Variants in ZNF827 observed in about 807,000 individuals in gnomAD.
ZNF827 encodes zinc finger protein 827.
ZNF827 carries 13 observed loss-of-function variants against 102.4 expected under a neutral mutation model. That is an observed-to-expected ratio of 0.13 (90% CI 0.08 to 0.20). The LOEUF is 0.20. Among genes scored for constraint, ZNF827 ranks in the 10% least tolerant of loss-of-function variants. ZNF827 has a pLI of 1.00. For missense variants in ZNF827, 1,103 were observed against 1,344.4 expected, an observed-to-expected ratio of 0.82 and a Z score of 2.81; for synonymous variants, 523 against 536.2, an observed-to-expected ratio of 0.98 and a Z score of 0.34.
At position 145,892,329 on chromosome 4, in the gene ZNF827, C is replaced by T; in HGVS notation, c.1180G>A (p.Val394Met). 1 of 1,614,176 alleles carries T rather than the reference C, an allele frequency of 6.2e-7. No homozygotes were observed. The highest frequency in any genetic ancestry group is 1.7e-5 in the Admixed American group (1 of 60,026). Residue 394 changes from valine (V) to methionine (M), a missense_variant, in exon 3 of 15, where the codon GTG (valine) becomes ATG (methionine). Around this residue, in one of 5 missense-constraint regions of ZNF827, gnomAD observed 20 missense variants for 60.6 expected, o/e 0.33. Transcript: ENST00000508784. ...KRKSYWKRHM[V>M]IHTGLKSHQC... ...TGACTTTTTAAACCTGTGTGAATCA[C>T]CATGTGCCGCTTCCAGTAACTCTTC...
chr4:145,868,705 A>C (rs371961566), intron 5 of ZNF827, among the ~76,000 whole-genome samples: 2 of 152,156 alleles, frequency 1.3e-5, no homozygotes, highest in East Asian at 1.9e-4. Flanking sequence ...CATTTTTTGC[A>C]TATTATCTTT....
Position 145,902,929 on chromosome 4 carries a change from G to A in ZNF827, c.330C>T (p.Asp110=), listed in dbSNP as rs147898239. 155 of 1,614,004 alleles carry A rather than the reference G, an allele frequency of 9.6e-5. No homozygotes were observed. Among genetic ancestry groups the A allele is most frequent in the Middle Eastern group, 3.3e-4 (2 of 6,084 alleles). The change falls in exon 2 of 15, where the codon GAC becomes GAT. Residue 110 remains aspartate (D), a synonymous_variant. Coordinates refer to ENST00000508784, the MANE Select transcript of ZNF827 (RefSeq NM_001306215.2). This position sits in a 1 kb window ranked among gnomAD's most constrained non-coding sequence, Gnocchi z 4.3. ...GGGGCTTGTTGGAGCCTGGGTCATC[G>A]TCACACAAAGAAGACACTCCCGGGG... ...HLSPGVSSLC[D]DDPGSNKPLS... is the part of the protein sequence containing the mutation.
intron 8 of ZNF827, among the ~76,000 whole-genome samples, chr4:145,822,636 G>A (rs1743257794): frequency 6.6e-6 from 1 of 150,560 alleles, no homozygotes; most frequent in African/African-American, 2.4e-5. Flanking sequence ...AGCTGGGAGG[G>A]AAGGTAGCAA....
At chr4:145,903,901 G>C (rs892591036) in intron 1 of ZNF827, among the ~76,000 whole-genome samples, 1 of 152,244 alleles carries the variant, frequency 6.6e-6, no homozygotes, top group South Asian at 2.1e-4. Flanking sequence ...TCTGGCTTCT[G>C]ACTGTGACAG....
chr4:145,817,603 C>T (rs941629251), intron 8 of ZNF827, among the ~76,000 whole-genome samples: 1 of 152,120 alleles, frequency 6.6e-6, no homozygotes, highest in East Asian at 1.9e-4. Flanking sequence ...CTCACTATCA[C>T]GACAACAGCA....
chr4:145,776,513 C>CT (rs986085828), intron 9 of ZNF827, among the ~76,000 whole-genome samples: 9 of 150,116 alleles, frequency 6.0e-5, no homozygotes, highest in South Asian at 2.1e-4. Flanking sequence ...AGATAACCTG[C>CT]TTTTTTTTTC....
chr4:145,771,449 G>C (rs1736264910), intron 11 of ZNF827, among the ~76,000 whole-genome samples: 1 of 152,172 alleles, frequency 6.6e-6, no homozygotes, highest in Non-Finnish European at 1.5e-5. Flanking sequence ...GGTATTGATA[G>C]TTGTATTTTC....
chr4:145,758,536 C>A lies in ZNF827; in HGVS notation c.*3080G>T, dbSNP rs973562903. 1.3e-5 allele frequency: 2 copies of A among 152,318 alleles called. No homozygotes were observed. Among genetic ancestry groups the A allele is most frequent in the East Asian group, 3.9e-4 (2 of 5,190 alleles). The allele number at this position is 152,318 out of a possible 1,614,324, so 9.4% of individuals were successfully genotyped here. A position where few individuals can be genotyped will look rare whatever the true frequency, so the allele number is the denominator to read the frequency against. On this transcript the variant is annotated 3_prime_UTR_variant, in exon 15 of 15. Transcript: ENST00000508784. ...TGTAGTTTTGAAAACACATTATTAG[C>A]CAAGTGGCACATTCTCCATTATATG...
At chr4:145,806,152 T>A (rs1014291974) in intron 8 of ZNF827, among the ~76,000 whole-genome samples, 96 of 148,088 alleles carry the variant, frequency 6.5e-4, no homozygotes, top group Non-Finnish European at 9.7e-4. Flanking sequence ...ATGAACTTTT[T>A]TTTTTTTTTT....
At chr4:145,788,668 C>T (rs1739239332) in intron 8 of ZNF827, among the ~76,000 whole-genome samples, 1 of 152,134 alleles carries the variant, frequency 6.6e-6, no homozygotes, top group Non-Finnish European at 1.5e-5. Flanking sequence ...AGCAAACTGA[C>T]AATATTGATT....
intron 7 of ZNF827, among the ~76,000 whole-genome samples, chr4:145,838,581 AT>A (rs1314545966): frequency 6.6e-6 from 1 of 152,354 alleles, no homozygotes; most frequent in African/African-American, 2.4e-5. Context: ...CAAGGGACTG[AT>A]TAAATAAATT....
intron 8 of ZNF827, among the ~76,000 whole-genome samples, chr4:145,792,230 C>T (rs6836085): frequency 0.95 from 144,745 of 152,244 alleles, 68,854 homozygotes; most frequent in East Asian, 0.97. Flanking sequence ...GTGAACACAA[C>T]GTTCCTGTTG....
intron 4 of ZNF827, among the ~76,000 whole-genome samples, chr4:145,882,582 G>A (rs142383644): frequency 3.9e-5 from 6 of 152,120 alleles, no homozygotes; most frequent in South Asian, 2.1e-4. Context: ...AATCCCACTC[G>A]GTTCCATTCA....
At chr4:145,811,318 T>C (rs1159208674) in intron 8 of ZNF827, among the ~76,000 whole-genome samples, 2 of 152,182 alleles carry the variant, frequency 1.3e-5, no homozygotes, top group Non-Finnish European at 2.9e-5. Context: ...ATATTTTTAA[T>C]AGAGTATTTC....
intron 5 of ZNF827, among the ~76,000 whole-genome samples, chr4:145,861,829 G>T (rs1259254891): frequency 2.0e-5 from 3 of 152,178 alleles, no homozygotes; most frequent in Admixed American, 2.0e-4. Context: ...CAGAGTTCTT[G>T]CCTGGTTTCT....
rs759836094 is a variant in ZNF827 at position 145,845,974 on chromosome 4, G to T, written c.2261C>A (p.Thr754Asn). 4 of 1,614,078 alleles carry T rather than the reference G, an allele frequency of 2.5e-6. No individual in the cohort carries two copies. The highest frequency in any genetic ancestry group is 3.4e-6 in the Non-Finnish European group (4 of 1,180,038). ...CGCCTACCTGGTCGTGGTCCGGATG[G>T]TGTTTTCTTTTGTATGATTGTGCTC... is the stretch of plus-strand genomic sequence containing the variant. ...SKEHNHTKEN[T>N]IRTTTSPFFS... The change falls in exon 7 of 15, where the codon ACC becomes AAC. Residue 754 changes from threonine to asparagine, a missense_variant. Coordinates refer to ENST00000508784, the MANE Select transcript of ZNF827 (RefSeq NM_001306215.2).
intron 8 of ZNF827, among the ~76,000 whole-genome samples, chr4:145,803,930 T>C (rs1741162883): frequency 6.6e-6 from 1 of 152,240 alleles, no homozygotes; most frequent in Admixed American, 6.5e-5. Flanking sequence ...TCATATTTTT[T>C]TTTTGTTATA....
In ZNF827 at chr4:145,760,784, C is replaced by T. The variant is rs1734370998; in HGVS notation, c.*832G>A. 8.7e-7 allele frequency: 1 copy of T among 1,149,024 alleles called. No individual in the cohort carries two copies. Among genetic ancestry groups the T allele is most frequent in the Non-Finnish European group, 1.1e-6 (1 of 921,076 alleles). 71.2% of individuals were successfully genotyped at this position (1,149,024 alleles called of 1,614,324 possible). ...GGTACAGAACATGGCTGCCCTCAGACAGTCTCTGCTCTTTCTCTCAGTCCG... is the reference window on the plus strand; with the variant it reads ...GGTACAGAACATGGCTGCCCTCAGATAGTCTCTGCTCTTTCTCTCAGTCCG... On this transcript the variant is annotated 3_prime_UTR_variant, in exon 15 of 15. Coordinates refer to ENST00000508784, the MANE Select transcript of ZNF827 (RefSeq NM_001306215.2).
At chr4:145,788,221 C>T (rs144469856) in intron 8 of ZNF827, among the ~76,000 whole-genome samples, 111 of 152,212 alleles carry the variant, frequency 7.3e-4, no homozygotes, top group African/African-American at 2.5e-3. Flanking sequence ...TGATTTGTAT[C>T]GTAAAGAACT....
Sources: gnomAD v4.1 joint callset for allele counts (sites outside exome capture counted in the v4.1 genomes callset) on GRCh38, gnomAD v4.1.1 for gene constraint, gnomAD v4.1.1 regional missense constraint, Gnocchi (gnomAD v3.1) non-coding constraint, MANE v1.5 for transcripts, NCBI Gene and HGNC (gene_info 2026-07-23, HGNC 2026-07-21) for gene names.